PPA1: variants seen among roughly 807,000 people sequenced by gnomAD.
PPA1 encodes the protein inorganic pyrophosphatase 1, also known as inorganic pyrophosphatase.
A neutral mutation model predicts 41.8 loss-of-function variants in PPA1; 23 were observed. The observed-to-expected ratio is 0.55, with a 90% CI of 0.40 to 0.78. The LOEUF is 0.78. Among genes scored for constraint, PPA1 ranks in the 30% least tolerant of loss-of-function variants. PPA1 has a pLI of 0.00. For synonymous variants in PPA1, 101 were observed against 116.8 expected (o/e 0.86, Z 0.87); for missense variants, 320 against 361.6 (o/e 0.89, Z 0.93).
At chr10:70,207,493 A>G (rs554880712) in intron 8 of PPA1, among the ~76,000 whole-genome samples, 1 of 152,224 alleles carries the variant, frequency 6.6e-6, no homozygotes, top group Non-Finnish European at 1.5e-5. Flanking sequence ...ACACAGCAAG[A>G]CACTGTCTCT....
At chr10:70,211,062 C>A (rs751590745) in intron 6 of PPA1, among the ~76,000 whole-genome samples, 13 of 152,136 alleles carry the variant, frequency 8.5e-5, no homozygotes, top group Admixed American at 6.5e-5. Context: ...CGCGCCCGGC[C>A]GCTTCAATCC....
chr10:70,212,242 G>A (rs756884112), intron 6 of PPA1, among the ~76,000 whole-genome samples: 1 of 152,166 alleles, frequency 6.6e-6, no homozygotes, highest in South Asian at 2.1e-4. Flanking sequence ...TCATTTATTT[G>A]TCAGTATAGA....
chr10:70,213,017 G>A (rs970872048), intron 6 of PPA1, among the ~76,000 whole-genome samples: 1 of 152,124 alleles, frequency 6.6e-6, no homozygotes. Context: ...AGGGAAGGGG[G>A]ACAGGGAGTG....
intron 6 of PPA1, among the ~76,000 whole-genome samples, chr10:70,211,667 C>A (rs1264670480): frequency 6.6e-6 from 1 of 152,072 alleles, no homozygotes; most frequent in African/African-American, 2.4e-5. Flanking sequence ...CCAGCCACCC[C>A]GAGAAAGTTT....
intron 9 of PPA1, 28 bp from the exon 10 acceptor site, chr10:70,204,943 A>C: frequency 1.3e-6 from 2 of 1,532,752 alleles, no homozygotes; most frequent in Non-Finnish European, 8.9e-7. Flanking sequence ...AAAATCTATT[A>C]GTCTAATCTC....
At position 70,209,664 on chromosome 10, in the gene PPA1, A is replaced by T; in HGVS notation, c.533T>A (p.Leu178Gln). 1.2e-6 allele frequency: 2 copies of T among 1,602,408 alleles called. No individual in the cohort carries two copies. The highest frequency in any genetic ancestry group is 1.7e-6 in the Non-Finnish European group (2 of 1,172,378). The change falls in exon 7 of 11, where the codon CTG becomes CAG. Residue 178 changes from leucine (L) to glutamine (Q), a missense_variant. Transcript: ENST00000373232. ...AGTAGCTTCTAAGTAGCCAGGTTTCAGCCGTTTGACATCATTGATATCTAA... is the reference window on the plus strand; with the variant it reads ...AGTAGCTTCTAAGTAGCCAGGTTTCTGCCGTTTGACATCATTGATATCTAA... Reference protein sequence around the residue: ...NYNDINDVKRLKPGYLEATVD... With the variant: ...NYNDINDVKRQKPGYLEATVD...
rs185595043 is a variant in PPA1, at chr10:70,230,385, G to T, written c.79C>A (p.Gln27Lys). ...ATATCATGAAATGGAGATATATATT[G>T]TCCTTTCTCATTTTCTGCAAAATAA... ...YRVFLKNEKG[Q>K]YISPFHDIPI... The change falls in exon 2 of 11, where the codon CAA (glutamine) becomes AAA (lysine). Residue 27 changes from glutamine to lysine, a missense_variant. Physicochemically the swap from Gln to Lys is moderately conservative, Grantham distance 53 (BLOSUM62 1). Coordinates refer to ENST00000373232, the MANE Select transcript of PPA1 (RefSeq NM_021129.4). 184 of 1,610,994 alleles carry T rather than the reference G, an allele frequency of 1.1e-4. 3 individuals are homozygous for T. The East Asian group carries it at 1.5e-3, about 13-fold the overall frequency.
chr10:70,211,059 G>A (rs528838861), intron 6 of PPA1, among the ~76,000 whole-genome samples: 2 of 152,184 alleles, frequency 1.3e-5, no homozygotes, highest in East Asian at 1.9e-4. Flanking sequence ...CACCGCGCCC[G>A]GCCGCTTCAA....
rs780689397 is a variant in PPA1, at chr10:70,209,550, C to T, written c.639+8G>A. Reference sequence around the variant, plus strand: ...AGCCTAAAGCTACAGTTCTGAATGACATATTACCTTATCTTTAAATTCTGC... The same window carrying T: ...AGCCTAAAGCTACAGTTCTGAATGATATATTACCTTATCTTTAAATTCTGC... On this transcript the variant is annotated splice_region_variant and intron_variant, in intron 7 of 10. Transcript: ENST00000373232. 6.3e-7 allele frequency: 1 copy of T among 1,594,518 alleles called. No individual in the cohort carries two copies. Among genetic ancestry groups the T allele is most frequent in the Non-Finnish European group, 8.5e-7 (1 of 1,175,254 alleles).
At chr10:70,224,683 G>A (rs775737394) in intron 2 of PPA1, among the ~76,000 whole-genome samples, 1 of 152,034 alleles carries the variant, frequency 6.6e-6, no homozygotes, top group Non-Finnish European at 1.5e-5. Context: ...TTAAATCCTA[G>A]CAGTTAAGTT....
chr10:70,222,351 A>G (rs1840181820), intron 2 of PPA1, among the ~76,000 whole-genome samples: 1 of 151,596 alleles, frequency 6.6e-6, no homozygotes, highest in Non-Finnish European at 1.5e-5. Flanking sequence ...AAAAAAAAAA[A>G]AAAAAAAAGA....
At chr10:70,205,460 T>G (rs1040818915) in intron 9 of PPA1, 1 of 152,186 alleles carries the variant, frequency 6.6e-6, no homozygotes, top group African/African-American at 2.4e-5. Flanking sequence ...AAAAACTGAT[T>G]TATGCATATA....
chr10:70,216,780 T>C (rs549834994), intron 4 of PPA1, among the ~76,000 whole-genome samples: 2 of 152,348 alleles, frequency 1.3e-5, no homozygotes, highest in African/African-American at 4.8e-5. Flanking sequence ...TTACTCATTA[T>C]AGATAAGATC....
At chr10:70,217,998 G>C in intron 3 of PPA1, 67 bp from the exon 4 acceptor site, 1 of 1,344,954 alleles carries the variant, frequency 7.4e-7, no homozygotes, top group Non-Finnish European at 1.0e-6. Context: ...AAGGATCTGA[G>C]GAAATGAATT....
At chr10:70,206,445 C>G (rs1289764206) in intron 8 of PPA1, 112 bp from the exon 9 acceptor site, 5 of 749,934 alleles carry the variant, frequency 6.7e-6, no homozygotes, top group East Asian at 2.7e-5. Context: ...TTAGTTTAGT[C>G]GAAAGCTTTT....
intron 4 of PPA1, among the ~76,000 whole-genome samples, 186 bp from the exon 5 acceptor site, chr10:70,214,772 A>G (rs538299102): frequency 6.6e-6 from 1 of 152,394 alleles, no homozygotes; most frequent in Admixed American, 6.5e-5. Context: ...CCTACTACAC[A>G]TCTAATGCTA....
At chr10:70,230,316 G>A in intron 2 of PPA1, 25 bp downstream of exon 2, 2 of 1,610,950 alleles carry the variant, frequency 1.2e-6, no homozygotes, top group Non-Finnish European at 1.7e-6. Flanking sequence ...TAAAGAGACT[G>A]TGTCCAAAAA....
rs1177735054 is a variant in PPA1, at chr10:70,218,754, G to C, written c.177+10C>G. The C allele has an allele frequency of 1.9e-6, 3 of 1,597,072 alleles. No individual in the cohort carries two copies. The Admixed American group carries it at 5.0e-5, about 27-fold the overall frequency. ...CCTAAGTCTGACTCAAATGTAAGGTGAAATATTACCTCCATTTTTGCATTA... is the reference window on the plus strand; with the variant it reads ...CCTAAGTCTGACTCAAATGTAAGGTCAAATATTACCTCCATTTTTGCATTA... On this transcript the variant is annotated intron_variant, in intron 3 of 10. Coordinates refer to ENST00000373232, the MANE Select transcript of PPA1 (RefSeq NM_021129.4).
At chr10:70,233,089 G>A (rs751354850) in intron 1 of PPA1, among the ~76,000 whole-genome samples, 175 bp downstream of exon 1, 3 of 152,090 alleles carry the variant, frequency 2.0e-5, no homozygotes, top group Non-Finnish European at 2.9e-5. Context: ...TCGCCGCCCC[G>A]ACCGGCGGCG....
Sources: allele counts gnomAD v4.1 joint callset (sites outside exome capture counted in the v4.1 genomes callset), GRCh38; gene constraint gnomAD v4.1.1; transcripts MANE v1.5; gene names NCBI Gene and HGNC (gene_info 2026-07-23, HGNC 2026-07-21).